The following R3HDM1 variants were observed in gnomAD, a reference collection of about 807,000 sequenced individuals.
R3HDM1 encodes R3H domain-containing protein 1.
R3HDM1 carries 46 observed loss-of-function variants against 141.1 expected under a neutral mutation model. That is an observed-to-expected ratio of 0.33 (90% confidence interval 0.26 to 0.42). The LOEUF (loss-of-function observed/expected upper bound fraction) is 0.42. Ranked by LOEUF, R3HDM1 falls within the 10% of genes least tolerant of loss-of-function variation. R3HDM1 has a pLI of 1.00. For synonymous variants in R3HDM1, 435 were observed against 472.9 expected (o/e 0.92, Z 1.04); for missense variants, 1,184 against 1,368.3 (o/e 0.87, Z 2.12).
intron 2 of R3HDM1, 114 bp from the exon 3 acceptor site, chr2:135,604,692 T>C: frequency 1.3e-6 from 1 of 764,546 alleles, no homozygotes; most frequent in Non-Finnish European, 2.1e-6. Flanking sequence ...AATCAAGAAT[T>C]TTGTTCCTGT....
At chr2:135,627,787 T>C (rs1166095421) in intron 7 of R3HDM1, among the ~76,000 whole-genome samples, 1 of 152,192 alleles carries the variant, frequency 6.6e-6, no homozygotes, top group African/African-American at 2.4e-5. Context: ...TTATTTCTTA[T>C]CTGTTGCAGA....
At chr2:135,544,590 A>G (rs1179966473) in intron 1 of R3HDM1, among the ~76,000 whole-genome samples, 1 of 152,210 alleles carries the variant, frequency 6.6e-6, no homozygotes, top group African/African-American at 2.4e-5. Context: ...CACCTTTAAA[A>G]CCATTTGCCA....
At chr2:135,712,046 A>G (rs1349052666) in intron 23 of R3HDM1, among the ~76,000 whole-genome samples, 1 of 151,872 alleles carries the variant, frequency 6.6e-6, no homozygotes, top group East Asian at 1.9e-4. Context: ...TAAAATGCTG[A>G]GATTTGCTTT....
intron 1 of R3HDM1, among the ~76,000 whole-genome samples, chr2:135,546,161 C>T (rs1273824705): frequency 2.0e-5 from 3 of 152,348 alleles, no homozygotes; most frequent in South Asian, 2.1e-4. Flanking sequence ...TTTGTCTCCA[C>T]ATTGTATTTC....
Position 135,622,729 on chromosome 2 carries a change from C to A in R3HDM1, c.494C>A (p.Pro165His), listed in dbSNP as rs1281978411. Reference protein sequence around the residue: ...EFLVNTLKNNPRDRMMLLKLE... With the variant: ...EFLVNTLKNNHRDRMMLLKLE... ...TTAGTAAATACATTAAAAAACAATC[C>A]CAGGTAAAAATTAAATTTATAAGGT... Residue 165 changes from proline (P) to histidine (H), a missense_variant, in exon 7 of 27, where the codon CCC becomes CAC. By Grantham distance (77) the Pro-to-His change is moderately conservative (BLOSUM62 -2). This residue lies in a region of R3HDM1 where 192 missense variants were observed against 215.7 expected (regional missense o/e 0.89). Transcript: ENST00000683871. The A allele has an allele frequency of 1.9e-6, 3 of 1,575,098 alleles. No individual in the cohort carries two copies. The Admixed American group carries it at 5.2e-5, about 27-fold the overall frequency.
chr2:135,648,709 A>G (rs2064763203), intron 16 of R3HDM1, among the ~76,000 whole-genome samples: 1 of 152,040 alleles, frequency 6.6e-6, no homozygotes, highest in East Asian at 1.9e-4. Context: ...TGAGAAAATT[A>G]AACAGATGCA....
At position 135,622,361 on chromosome 2, in the gene R3HDM1, T is replaced by C. The variant is rs982492370; in HGVS notation, c.419-293T>C. ...TTTGAACATGAGGTTGTGGTGAGTA[T>C]ATAAAAGGATCTTTAAAGAATTTAG... On this transcript the variant is annotated intron_variant, in intron 6 of 26. Transcript: ENST00000683871. 3.0e-6 allele frequency: 3 copies of C among 984,008 alleles called. No homozygotes were observed. In the African/African-American group the frequency reaches 5.2e-5, roughly 17 times the overall value. 61.0% of individuals were successfully genotyped at this position (984,008 alleles called of 1,614,324 possible). A position where few individuals can be genotyped will look rare whatever the true frequency, so the allele number is the denominator to read the frequency against.
chr2:135,596,818 G>A (rs889394266), intron 1 of R3HDM1, among the ~76,000 whole-genome samples: 12 of 152,042 alleles, frequency 7.9e-5, no homozygotes, highest in African/African-American at 2.9e-4. Context: ...ACAACATTTG[G>A]TCTTTCCCAT....
At chr2:135,607,208 C>G in intron 3 of R3HDM1, 1 of 454,372 alleles carries the variant, frequency 2.2e-6, no homozygotes, top group Non-Finnish European at 2.9e-6. Flanking sequence ...AGGATGGTCT[C>G]GATCTCTTGA....
At position 135,531,583 on chromosome 2, in the gene R3HDM1, G is replaced by A. The variant is rs1201228606; in HGVS notation, c.-300G>A. The A allele has an allele frequency of 2.7e-5, 27 of 986,562 alleles. No individual in the cohort carries two copies. The highest frequency in any genetic ancestry group is 5.2e-5 in the African/African-American group (3 of 57,210). The allele number at this position is 986,562 out of a possible 1,614,324, so 61.1% of individuals were successfully genotyped here. On this transcript the variant is annotated 5_prime_UTR_variant, in exon 1 of 27. Coordinates refer to ENST00000683871, the MANE Select transcript of R3HDM1 (RefSeq NM_001378107.1). The stretch of plus-strand genomic sequence containing the variant: ...TTACTTGCACCCACCCAGCCCCGCC[G>A]TCGCCCCGCCGCGCCGCGCTCCAAC...
chr2:135,662,832 T>A (rs1272304895), intron 19 of R3HDM1, among the ~76,000 whole-genome samples: 1 of 152,214 alleles, frequency 6.6e-6, no homozygotes, highest in Non-Finnish European at 1.5e-5. Context: ...AGAATTTTCA[T>A]ATTGTTTTTT....
rs533923643 is a variant in R3HDM1 at position 135,618,183 on chromosome 2, G to A, written c.303+1426G>A. Reference sequence around the variant, plus strand: ...TTTATGATTTTTTTTTTTTTTTTGAGACGGAGTTTCACTCTTGTTGACCGG... The same window carrying A: ...TTTATGATTTTTTTTTTTTTTTTGAAACGGAGTTTCACTCTTGTTGACCGG... On this transcript the variant is annotated intron_variant, in intron 5 of 26. Coordinates refer to ENST00000683871, the MANE Select transcript of R3HDM1 (RefSeq NM_001378107.1). Among the ~76,000 whole-genome samples, 29 of 143,986 alleles carry A rather than the reference G, an allele frequency of 2.0e-4. No homozygotes were observed. The South Asian group carries it at 5.5e-3, about 27-fold the overall frequency. 94.5% of individuals were successfully genotyped at this position (143,986 alleles called of 152,430 possible).
At chr2:135,642,301 AT>A (rs2063882392) in intron 15 of R3HDM1, among the ~76,000 whole-genome samples, 1 of 152,134 alleles carries the variant, frequency 6.6e-6, no homozygotes. Flanking sequence ...TAAAAAAAAA[AT>A]TGGGGGGAGT....
chr2:135,646,646 G>A (rs1441024039), intron 16 of R3HDM1, among the ~76,000 whole-genome samples: 5 of 151,010 alleles, frequency 3.3e-5, no homozygotes, highest in Admixed American at 6.6e-5. Flanking sequence ...TCAGGAGTTC[G>A]AGCCCAGCCT....
At chr2:135,707,951 TC>T in intron 21 of R3HDM1, among the ~76,000 whole-genome samples, 1 of 152,198 alleles carries the variant, frequency 6.6e-6, no homozygotes, top group South Asian at 2.1e-4. Context: ...CTTTACTAAT[TC>T]TTATTAACTG....
intron 7 of R3HDM1, among the ~76,000 whole-genome samples, chr2:135,629,488 A>G (rs1559288741): frequency 6.6e-6 from 1 of 152,258 alleles, no homozygotes; most frequent in Non-Finnish European, 1.5e-5. Flanking sequence ...TTACTAATTT[A>G]TTCCATGCAA....
intron 1 of R3HDM1, among the ~76,000 whole-genome samples, chr2:135,548,064 C>T (rs924464905): frequency 1.3e-5 from 2 of 151,960 alleles, no homozygotes; most frequent in Admixed American, 6.6e-5. Context: ...GAGCCACTGC[C>T]CCAGCCTGAA....
chr2:135,582,746 G>A (rs1363138638), intron 1 of R3HDM1, among the ~76,000 whole-genome samples: 1 of 152,166 alleles, frequency 6.6e-6, no homozygotes, highest in Non-Finnish European at 1.5e-5. Flanking sequence ...TAGTTAATAG[G>A]AGAATGTTGT....
intron 7 of R3HDM1, among the ~76,000 whole-genome samples, chr2:135,624,014 T>C (rs1393610343): frequency 4.6e-5 from 7 of 152,104 alleles, no homozygotes; most frequent in African/African-American, 1.7e-4. Flanking sequence ...GCATTTGAGA[T>C]AGAGACTAGA....
Sources: gnomAD v4.1 joint callset for allele counts (sites outside exome capture counted in the v4.1 genomes callset) on GRCh38, gnomAD v4.1.1 for gene constraint, gnomAD v4.1.1 regional missense constraint, MANE v1.5 for transcripts, NCBI Gene and HGNC (gene_info 2026-07-23, HGNC 2026-07-21) for gene names.